The following CEP85L variants were observed in gnomAD, a reference collection of about 807,000 sequenced individuals.
CEP85L encodes the protein centrosomal protein 85L.
In CEP85L, 60 loss-of-function variants were observed where a neutral mutation model predicts 100.3. The observed-to-expected ratio is 0.60, with a 90% CI of 0.49 to 0.74. The LOEUF (loss-of-function observed/expected upper bound fraction) is 0.74. CEP85L is among the 30% of genes least tolerant of loss of function. The probability of loss-of-function intolerance (pLI) is 0.00; values close to 1 mark genes in which losing one functional copy is unlikely to be tolerated. For synonymous variants in CEP85L, 319 were observed against 322.7 expected (o/e 0.99, Z 0.12); for missense variants, 973 against 936.2 (o/e 1.04, Z -0.51).
At chr6:118,608,032 A>C (rs1258085640) in intron 2 of CEP85L, among the ~76,000 whole-genome samples, 1 of 152,186 alleles carries the variant, frequency 6.6e-6, no homozygotes, top group Non-Finnish European at 1.5e-5. Context: ...AAGAAAGTAA[A>C]GGAATAAAAG....
At chr6:118,605,814 C>T (rs1376570538) in intron 2 of CEP85L, among the ~76,000 whole-genome samples, 1 of 152,042 alleles carries the variant, frequency 6.6e-6, no homozygotes, top group Non-Finnish European at 1.5e-5. Flanking sequence ...AGATCGAGGC[C>T]ATCCTGGCTA....
intron 3 of CEP85L, among the ~76,000 whole-genome samples, chr6:118,542,573 A>C (rs1777954157): frequency 7.1e-6 from 1 of 140,680 alleles, no homozygotes; most frequent in African/African-American, 2.6e-5. Flanking sequence ...TTACGAGAAA[A>C]CTACAGTACA....
At chr6:118,652,168 A>T (rs2115390447), upstream of CEP85L, among the ~76,000 whole-genome samples, 1 of 152,300 alleles carries the variant, frequency 6.6e-6, no homozygotes, top group East Asian at 1.9e-4. Context: ...GGGGGTAATT[A>T]GTACCCGAGG....
intron 2 of CEP85L, among the ~76,000 whole-genome samples, chr6:118,580,585 T>C (rs1158755916): frequency 6.6e-6 from 1 of 152,208 alleles, no homozygotes; most frequent in Non-Finnish European, 1.5e-5. Context: ...ATTGGGAATG[T>C]TGGCCGTATT....
At chr6:118,528,107 T>C (rs1777078339) in intron 3 of CEP85L, among the ~76,000 whole-genome samples, 1 of 152,124 alleles carries the variant, frequency 6.6e-6, no homozygotes, top group Non-Finnish European at 1.5e-5. Context: ...CAGATGATGA[T>C]CTTCTCAAGA....
Position 118,479,937 on chromosome 6 carries a change from T to C in CEP85L, c.1864-16A>G, listed in dbSNP as rs2114516016. ...TGTCTATTATCTAAAACAAAATAAA[T>C]ACATCTGATTCAAATAATTTTTACA... On this transcript the variant is annotated splice_polypyrimidine_tract_variant and intron_variant, in intron 9 of 12. Transcript: ENST00000368491. 7.7e-7 allele frequency: 1 copy of C among 1,292,452 alleles called. No homozygotes were observed. Among genetic ancestry groups the C allele is most frequent in the Non-Finnish European group, 1.1e-6 (1 of 921,158 alleles). The allele number at this position is 1,292,452 out of a possible 1,614,324, so 80.1% of individuals were successfully genotyped here.
At chr6:118,501,113 A>G (rs1207343768) in intron 5 of CEP85L, among the ~76,000 whole-genome samples, 2 of 152,192 alleles carry the variant, frequency 1.3e-5, no homozygotes, top group African/African-American at 4.8e-5. Flanking sequence ...GCAGTGCTCC[A>G]AACTGCCCGT....
intron 2 of CEP85L, among the ~76,000 whole-genome samples, chr6:118,616,255 G>T (rs985968098): frequency 6.6e-6 from 1 of 152,142 alleles, no homozygotes; most frequent in Admixed American, 6.5e-5. Flanking sequence ...GCCAGATGTG[G>T]TGGGTCATGC....
chr6:118,599,427 A>G (rs1334910150), intron 2 of CEP85L, among the ~76,000 whole-genome samples: 1 of 152,230 alleles, frequency 6.6e-6, no homozygotes, highest in African/African-American at 2.4e-5. Flanking sequence ...CATAGTCTAT[A>G]CTGGCATAAA....
At chr6:118,611,369 G>A (rs1010933053) in intron 2 of CEP85L, among the ~76,000 whole-genome samples, 1 of 152,058 alleles carries the variant, frequency 6.6e-6, no homozygotes, top group Non-Finnish European at 1.5e-5. Flanking sequence ...GCAACTACTA[G>A]AAGAACTATA....
chr6:118,655,877 A>T (rs1775770344), upstream of CEP85L, among the ~76,000 whole-genome samples: 1 of 152,242 alleles, frequency 6.6e-6, no homozygotes, highest in South Asian at 2.1e-4. Context: ...TCCATTTTAC[A>T]GATGGGGAAA....
chr6:118,688,054 T>C (rs947641516), intron 1 of CEP85L, among the ~76,000 whole-genome samples: 6 of 152,264 alleles, frequency 3.9e-5, no homozygotes, highest in African/African-American at 1.4e-4. Flanking sequence ...GGTCAGAGAA[T>C]ACAAGGCTTG....
chr6:118,601,713 T>C, intron 2 of CEP85L, among the ~76,000 whole-genome samples: 1 of 152,180 alleles, frequency 6.6e-6, no homozygotes, highest in East Asian at 1.9e-4. Flanking sequence ...GGGGGTGGAT[T>C]ATTCATGCCT....
chr6:118,550,021 CAT>C (rs1184622859), intron 3 of CEP85L, among the ~76,000 whole-genome samples: 2 of 151,688 alleles, frequency 1.3e-5, no homozygotes, highest in Non-Finnish European at 3.0e-5. Flanking sequence ...TTTATGAAGA[CAT>C]GTGGTTTCAA....
chr6:118,469,164 C>T lies in CEP85L; in HGVS notation c.2162G>A (p.Cys721Tyr). The change falls in exon 12 of 13, where the codon TGT becomes TAT. Residue 721 changes from cysteine to tyrosine, a missense_variant. Cys to Tyr is a radical substitution (Grantham distance 194, BLOSUM62 -2). Transcript: ENST00000368491. Reference protein sequence around the residue: ...VIDQLFKEMSCCLFDLKALCS... With the variant: ...VIDQLFKEMSYCLFDLKALCS... Reference sequence around the variant, plus strand: ...CAATGCTTTCAAGTCAAACAAACAACAGGACATTTCCTTGAACAGCTGATC... The same window carrying T: ...CAATGCTTTCAAGTCAAACAAACAATAGGACATTTCCTTGAACAGCTGATC... The T allele has an allele frequency of 6.2e-7, 1 of 1,614,054 alleles. No homozygotes were observed. The highest frequency in any genetic ancestry group is 8.5e-7 in the Non-Finnish European group (1 of 1,179,948).
At position 118,481,828 on chromosome 6, in the gene CEP85L, A is replaced by G. The variant is rs1469150736; in HGVS notation, c.1696T>C (p.Leu566=). 2 of 1,599,342 alleles carry G rather than the reference A, an allele frequency of 1.3e-6. No individual in the cohort carries two copies. The highest frequency in any genetic ancestry group is 8.5e-7 in the Non-Finnish European group (1 of 1,172,838). Residue 566 remains leucine (L), a synonymous_variant, in exon 8 of 13, where the codon TTA becomes CTA. Coordinates refer to ENST00000368491, the MANE Select transcript of CEP85L (RefSeq NM_001042475.3). ...TTTTCTTTCTTTTTCTGGCATATTA[A>G]CTGTGTCTCTTTATCTTGACACTGC... The part of the protein sequence containing the change: ...KKQCQDKETQ[L]ICQKKKEKEL...
chr6:118,512,626 T>C (rs1776035361), intron 4 of CEP85L, among the ~76,000 whole-genome samples: 1 of 151,998 alleles, frequency 6.6e-6, no homozygotes, highest in African/African-American at 2.4e-5. Context: ...CCACCCTCAA[T>C]AGTGAATTAT....
intron 1 of CEP85L, among the ~76,000 whole-genome samples, chr6:118,643,452 A>G (rs1416745087): frequency 6.6e-6 from 1 of 152,236 alleles, no homozygotes; most frequent in Non-Finnish European, 1.5e-5. Context: ...GAAATATATA[A>G]CTAAAAACTA....
chr6:118,574,980 G>A lies in CEP85L; in HGVS notation c.233-8664C>T, dbSNP rs1024329598. ...CAAGAAACCTCCAGTTGGTTGGGGGGCGGGGGCAGTGGTGAGCCTCTAGGG... is the reference window on the plus strand; with the variant it reads ...CAAGAAACCTCCAGTTGGTTGGGGGACGGGGGCAGTGGTGAGCCTCTAGGG... On this transcript the variant is annotated intron_variant, in intron 2 of 12. Transcript: ENST00000368491. Among the ~76,000 whole-genome samples the A allele has an allele frequency of 2.0e-5, 3 of 152,088 alleles. 1 individual carries two copies. The South Asian group carries it at 6.2e-4, about 31-fold the overall frequency.
Sources: gnomAD v4.1 joint callset for allele counts (sites outside exome capture counted in the v4.1 genomes callset) on GRCh38, gnomAD v4.1.1 for gene constraint, MANE v1.5 for transcripts, NCBI Gene and HGNC (gene_info 2026-07-23, HGNC 2026-07-21) for gene names.